Variants in ZFHX3 observed in about 807,000 individuals in gnomAD.
The protein encoded by ZFHX3 is zinc finger homeobox protein 3.
A neutral mutation model predicts 279.1 loss-of-function variants in ZFHX3; 42 were observed. That is an observed-to-expected ratio of 0.15 (90% CI 0.12 to 0.19). The LOEUF is 0.19. Among genes scored for constraint, ZFHX3 ranks in the 10% least tolerant of loss-of-function variants. The probability of loss-of-function intolerance (pLI) is 1.00; values close to 1 mark genes in which losing one functional copy is unlikely to be tolerated. For missense variants in ZFHX3, 4,981 were observed against 4,754.0 expected, an observed-to-expected ratio of 1.05 and a Z score of -1.40; for synonymous variants, 2,293 against 1,957.8, an observed-to-expected ratio of 1.17 and a Z score of -4.52.
chr16:73,314,245 T>G (rs987389985), intron 4 of ZFHX3, among the ~76,000 whole-genome samples: 1 of 152,314 alleles, frequency 6.6e-6, no homozygotes, highest in Non-Finnish European at 1.5e-5. Flanking sequence ...TCTTTGGACT[T>G]CGTCTGCACT....
intron 4 of ZFHX3, among the ~76,000 whole-genome samples, chr16:72,831,575 A>G (rs1204789866): frequency 6.6e-6 from 1 of 152,230 alleles, no homozygotes; most frequent in Non-Finnish European, 1.5e-5. Flanking sequence ...TAGAGTAAAC[A>G]TGTATAGGTG....
intron 7 of ZFHX3, among the ~76,000 whole-genome samples, chr16:73,105,252 T>A (rs1597158087): frequency 6.7e-6 from 1 of 149,036 alleles, no homozygotes; most frequent in Non-Finnish European, 1.5e-5. Context: ...ATTTTATATA[T>A]ATATATATGC....
chr16:73,774,597 C>T (rs895557817), intron 1 of ZFHX3, among the ~76,000 whole-genome samples: 2 of 152,196 alleles, frequency 1.3e-5, no homozygotes, highest in African/African-American at 2.4e-5. Flanking sequence ...ATGCACCCCC[C>T]AAAGATGGTG....
At chr16:72,891,561 T>G (rs2038774413) in intron 3 of ZFHX3, among the ~76,000 whole-genome samples, 1 of 152,154 alleles carries the variant, frequency 6.6e-6, no homozygotes, top group African/African-American at 2.4e-5. Flanking sequence ...GAAGAGGGAA[T>G]TCTTCCACTG....
At chr16:73,634,659 G>A (rs1283078228) in intron 2 of ZFHX3, among the ~76,000 whole-genome samples, 1 of 151,882 alleles carries the variant, frequency 6.6e-6, no homozygotes, top group Non-Finnish European at 1.5e-5. Context: ...AGTGTCTCTT[G>A]AGGACAGCCA....
At chr16:73,547,415 T>C (rs1596991567) in intron 2 of ZFHX3, among the ~76,000 whole-genome samples, 1 of 152,248 alleles carries the variant, frequency 6.6e-6, no homozygotes, top group African/African-American at 2.4e-5. Context: ...AGAATTTCTT[T>C]ATCTCAGCCT....
intron 4 of ZFHX3, among the ~76,000 whole-genome samples, chr16:72,874,365 C>G (rs909915672): frequency 2.6e-5 from 4 of 151,978 alleles, no homozygotes; most frequent in African/African-American, 9.7e-5. Flanking sequence ...CGCCACCACA[C>G]CAGGCTAATT....
intron 3 of ZFHX3, among the ~76,000 whole-genome samples, chr16:73,376,836 G>C (rs2016730591): frequency 1.3e-5 from 2 of 152,166 alleles, no homozygotes; most frequent in Non-Finnish European, 2.9e-5. Context: ...TGGTCAGAGA[G>C]TTGCTCCATG....
At chr16:72,914,719 C>A (rs113181380) in intron 3 of ZFHX3, among the ~76,000 whole-genome samples, 2 of 152,140 alleles carry the variant, frequency 1.3e-5, no homozygotes, top group African/African-American at 4.8e-5. Flanking sequence ...AGGCTGGGTG[C>A]GGTGGCTCAT....
chr16:73,644,948 C>T (rs1174876329), intron 2 of ZFHX3, among the ~76,000 whole-genome samples: 1 of 152,150 alleles, frequency 6.6e-6, no homozygotes, highest in East Asian at 1.9e-4. Context: ...TTCTCAAGAC[C>T]TATCTGATGA....
intron 1 of ZFHX3, among the ~76,000 whole-genome samples, chr16:73,882,058 G>T (rs569342028): frequency 6.6e-6 from 1 of 152,240 alleles, no homozygotes; most frequent in South Asian, 2.1e-4. Flanking sequence ...AAGATGAAAA[G>T]CACCGCTAAG....
At chr16:73,886,582 G>C (rs79042998) in intron 1 of ZFHX3, among the ~76,000 whole-genome samples, 4,655 of 152,288 alleles carry the variant, frequency 0.031, 118 homozygotes, top group African/African-American at 0.069. Context: ...TCTAGATCTT[G>C]TCAGTAATTC....
At chr16:73,645,932 T>G (rs1213657004) in intron 2 of ZFHX3, among the ~76,000 whole-genome samples, 1 of 152,188 alleles carries the variant, frequency 6.6e-6, no homozygotes, top group Non-Finnish European at 1.5e-5. Context: ...CTCATTCTCC[T>G]AAAGCCAAAC....
At chr16:73,067,599 G>A (rs1425497369) in intron 8 of ZFHX3, among the ~76,000 whole-genome samples, 1 of 152,202 alleles carries the variant, frequency 6.6e-6, no homozygotes, top group Non-Finnish European at 1.5e-5. Flanking sequence ...AGTTCCTGCT[G>A]TGCAGTTGGA....
chr16:73,340,545 T>C (rs2016012230), intron 3 of ZFHX3, among the ~76,000 whole-genome samples: 1 of 152,134 alleles, frequency 6.6e-6, no homozygotes, highest in Non-Finnish European at 1.5e-5. Context: ...TGTGTGTGTG[T>C]TTTTTGATTT....
At chr16:73,412,567 T>C (rs980525591) in intron 3 of ZFHX3, among the ~76,000 whole-genome samples, 2 of 151,748 alleles carry the variant, frequency 1.3e-5, no homozygotes, top group Non-Finnish European at 2.9e-5. Flanking sequence ...CATCCCGGCC[T>C]CATACTTTGC....
chr16:73,439,121 T>A (rs1253194068), intron 3 of ZFHX3, among the ~76,000 whole-genome samples: 1 of 152,194 alleles, frequency 6.6e-6, no homozygotes, highest in Admixed American at 6.5e-5. Context: ...GCTTTCTCTT[T>A]CCTGGAAAAC....
Position 72,798,516 on chromosome 16 carries a change from G to C in ZFHX3, c.4166C>G (p.Pro1389Arg), listed in dbSNP as rs1283903103. The part of the protein sequence containing the change: ...THFNEVHAKR[P>R]QLPVSDRHVY... ...ATGGCGATCTGACACCGGCAGCTGA[G>C]GCCTCTTGGCATGCACTTCATTAAA... Residue 1389 changes from proline to arginine, a missense_variant, in exon 9 of 10, where the codon CCT becomes CGT. By Grantham distance (103) the Pro-to-Arg change is moderately radical. Around this residue, in one of 7 missense-constraint regions of ZFHX3, gnomAD observed 1,751 missense variants for 1,770.0 expected, o/e 0.99. Coordinates refer to ENST00000268489, the MANE Select transcript of ZFHX3 (RefSeq NM_006885.4). 1.2e-6 allele frequency: 2 copies of C among 1,614,200 alleles called. No homozygotes were observed. The highest frequency in any genetic ancestry group is 1.7e-6 in the Non-Finnish European group (2 of 1,180,042).
At chr16:73,844,778 C>G (rs1279080509) in intron 1 of ZFHX3, among the ~76,000 whole-genome samples, 1 of 151,202 alleles carries the variant, frequency 6.6e-6, no homozygotes, top group Non-Finnish European at 1.5e-5. Context: ...ATAGACAATA[C>G]AGAGATTAGT....
Sources: gnomAD v4.1 joint callset for allele counts (sites outside exome capture counted in the v4.1 genomes callset) on GRCh38, gnomAD v4.1.1 for gene constraint, gnomAD v4.1.1 regional missense constraint, MANE v1.5 for transcripts, NCBI Gene and HGNC (gene_info 2026-07-23, HGNC 2026-07-21) for gene names.